Variants in TXLNB observed in about 807,000 individuals in gnomAD.
The protein encoded by TXLNB is beta-taxilin.
In TXLNB, 37 loss-of-function variants were observed where a neutral mutation model predicts 57.4. That is an observed-to-expected ratio of 0.64 (90% CI 0.50 to 0.85). The LOEUF is 0.85. Ranked by LOEUF, TXLNB falls within the 40% of genes least tolerant of loss-of-function variation. TXLNB has a pLI of 0.00. For synonymous variants in TXLNB, 302 were observed against 309.6 expected, an observed-to-expected ratio of 0.98 and a Z score of 0.26; for missense variants, 848 against 825.6, an observed-to-expected ratio of 1.03 and a Z score of -0.33.
the TXLNB span, among the ~76,000 whole-genome samples, chr6:139,299,713 G>A: frequency 6.6e-6 from 1 of 152,058 alleles, no homozygotes; most frequent in African/African-American, 2.4e-5. Context: ...GACCCCCTGG[G>A]TTTGTGGAAC....
chr6:139,296,324 A>T (rs1368655121), upstream of TXLNB, among the ~76,000 whole-genome samples: 1 of 152,144 alleles, frequency 6.6e-6, no homozygotes, highest in East Asian at 1.9e-4. Flanking sequence ...GTTGAAAATA[A>T]TTTTTATTAA....
rs1315201074 is a variant in TXLNB at position 139,266,361 on chromosome 6, A to G, written c.688-3588T>C. Among the ~76,000 whole-genome samples, 4 of 152,212 alleles carry G rather than the reference A, an allele frequency of 2.6e-5. No homozygotes were observed. The East Asian group carries it at 7.7e-4, about 29-fold the overall frequency. On this transcript the variant is annotated intron_variant, in intron 4 of 9. Transcript: ENST00000358430. ...GTAAAGGAAAATATTATCTCAATGA[A>G]TGAGAAGGTAGAAAATCTCAGGTGA...
chr6:139,228,453 G>A, the TXLNB span, among the ~76,000 whole-genome samples: 1 of 149,836 alleles, frequency 6.7e-6, no homozygotes, highest in African/African-American at 2.5e-5. Context: ...TTGAACCCAG[G>A]AGGCAGAAGT....
chr6:139,200,094 C>T, the TXLNB span: 1 of 152,122 alleles, frequency 6.6e-6, no homozygotes, highest in African/African-American at 2.4e-5. Context: ...ATATGGGACT[C>T]CTTTGAAGGC....
At chr6:139,185,562 G>A in the TXLNB span, among the ~76,000 whole-genome samples, 2 of 152,098 alleles carry the variant, frequency 1.3e-5, no homozygotes, top group African/African-American at 4.8e-5. Context: ...TTAGCCGGAC[G>A]TGGTGGTGGG....
At chr6:139,222,264 G>A in the TXLNB span, among the ~76,000 whole-genome samples, 3 of 152,038 alleles carry the variant, frequency 2.0e-5, no homozygotes, top group Non-Finnish European at 4.4e-5. Context: ...TGTGGAGAAA[G>A]ATACAGCATG....
chr6:139,206,259 TA>T, the TXLNB span, among the ~76,000 whole-genome samples: 1 of 152,050 alleles, frequency 6.6e-6, no homozygotes, highest in Non-Finnish European at 1.5e-5. Flanking sequence ...TATAAAATAA[TA>T]ACACAATGAT....
intron 1 of TXLNB, among the ~76,000 whole-genome samples, chr6:139,290,825 G>A (rs529468226): frequency 6.6e-6 from 1 of 152,308 alleles, no homozygotes; most frequent in South Asian, 2.1e-4. Context: ...TAACATGAAA[G>A]TGAAAACAAA....
In TXLNB at chr6:139,240,929, A is replaced by G. The variant is rs1000462280; in HGVS notation, c.*1597T>C. On this transcript the variant is annotated 3_prime_UTR_variant, in exon 10 of 10. Coordinates refer to ENST00000358430, the MANE Select transcript of TXLNB (RefSeq NM_153235.4). ...CTATCCATTTTTCTACTTGAGTTCA[A>G]CTTTCAAGATAGGGTTGGGTTAGAC... The G allele has an allele frequency of 3.9e-5, 6 of 152,190 alleles. No individual in the cohort carries two copies. The highest frequency in any genetic ancestry group is 1.4e-4 in the African/African-American group (6 of 41,430). The allele number at this position is 152,190 out of a possible 1,614,324, so 9.4% of individuals were successfully genotyped here. A position where few individuals can be genotyped will look rare whatever the true frequency, so the allele number is the denominator to read the frequency against.
intron 2 of TXLNB, among the ~76,000 whole-genome samples, chr6:139,286,607 G>T (rs1015956219): frequency 1.2e-4 from 18 of 152,206 alleles, no homozygotes; most frequent in African/African-American, 4.3e-4. Flanking sequence ...TTAGGAACTG[G>T]GCTGCACGGC....
chr6:139,302,800 G>GA, the TXLNB span, among the ~76,000 whole-genome samples: 4 of 149,390 alleles, frequency 2.7e-5, no homozygotes, highest in East Asian at 2.0e-4. Flanking sequence ...AAAGAAAAAA[G>GA]AAAAAAAAAC....
At chr6:139,300,800 C>T in the TXLNB span, among the ~76,000 whole-genome samples, 1 of 152,104 alleles carries the variant, frequency 6.6e-6, no homozygotes, top group African/African-American at 2.4e-5. Context: ...GAGGCTGAAG[C>T]AGGAGAATCA....
chr6:139,196,790 A>C, the TXLNB span, among the ~76,000 whole-genome samples: 4 of 152,208 alleles, frequency 2.6e-5, no homozygotes, highest in East Asian at 5.8e-4. Context: ...AGTTTCTAAG[A>C]CATCAAAAAC....
chr6:139,323,615 TAAAG>T, the TXLNB span, among the ~76,000 whole-genome samples: 7 of 152,268 alleles, frequency 4.6e-5, no homozygotes, highest in South Asian at 1.4e-3. Context: ...TATATAATAA[TAAAG>T]AAACATGTGG....
At chr6:139,297,762 G>A in the TXLNB span, among the ~76,000 whole-genome samples, 1 of 152,088 alleles carries the variant, frequency 6.6e-6, no homozygotes, top group East Asian at 1.9e-4. Flanking sequence ...TTTAAATAAA[G>A]CCTGTGAATG....
At chr6:139,206,524 C>T in the TXLNB span, among the ~76,000 whole-genome samples, 3 of 152,030 alleles carry the variant, frequency 2.0e-5, no homozygotes, top group Non-Finnish European at 4.4e-5. Context: ...AAAAATTAGC[C>T]AGGCGTGGTG....
At chr6:139,187,427 T>G in the TXLNB span, among the ~76,000 whole-genome samples, 2 of 94,964 alleles carry the variant, frequency 2.1e-5, no homozygotes, top group Non-Finnish European at 4.9e-5. Flanking sequence ...TTTAAAATCT[T>G]TTGCTTTTTT....
the TXLNB span, among the ~76,000 whole-genome samples, chr6:139,184,583 G>T: frequency 6.9e-6 from 1 of 145,364 alleles, no homozygotes; most frequent in Non-Finnish European, 1.5e-5. Flanking sequence ...TGGGTATAAG[G>T]TGACGTTTTC....
Position 139,243,031 on chromosome 6 carries a change from G to A in TXLNB, c.1550C>T (p.Pro517Leu), listed in dbSNP as rs1415062054. Residue 517 changes from proline (P) to leucine (L), a missense_variant, in exon 10 of 10, where the codon CCG (proline) becomes CTG (leucine). Transcript: ENST00000358430. ...FMIIHHPEST[P>L]HQSKETQPEI... ...GGGTTGGGTTTCTTTGGACTGGTGC[G>A]GGGTTGACTCTGGATGATGAATTAT... 9 of 1,614,016 alleles carry A rather than the reference G, an allele frequency of 5.6e-6. No individual in the cohort carries two copies. The highest frequency in any genetic ancestry group is 3.3e-5 in the Admixed American group (2 of 59,994).
Sources: gnomAD v4.1 joint callset for allele counts (sites outside exome capture counted in the v4.1 genomes callset) on GRCh38, gnomAD v4.1.1 for gene constraint, MANE v1.5 for transcripts, NCBI Gene and HGNC (gene_info 2026-07-23, HGNC 2026-07-21) for gene names.